DDX60: variants seen among roughly 807,000 people sequenced by gnomAD.
The protein encoded by DDX60 is probable ATP-dependent RNA helicase DDX60.
A neutral mutation model predicts 212.8 loss-of-function variants in DDX60; 165 were observed. The observed-to-expected ratio is 0.78, with a 90% confidence interval of 0.68 to 0.88. The LOEUF (loss-of-function observed/expected upper bound fraction) is 0.88, where lower values mean the gene tolerates loss of function less well. Among genes scored for constraint, DDX60 ranks in the 40% least tolerant of loss-of-function variants. The pLI, the probability that DDX60 is intolerant of heterozygous loss-of-function variation, is 0.00. For synonymous variants in DDX60, 703 were observed against 685.3 expected, an observed-to-expected ratio of 1.03 and a Z score of -0.40; for missense variants, 1,905 against 2,003.9, an observed-to-expected ratio of 0.95 and a Z score of 0.94.
chr4:168,310,139 T>C (rs1291331900), intron 3 of DDX60, among the ~76,000 whole-genome samples: 1 of 152,210 alleles, frequency 6.6e-6, no homozygotes, highest in African/African-American at 2.4e-5. Context: ...ACTTTTGATA[T>C]TGGACAATGT....
chr4:168,255,805 C>G lies in DDX60; in HGVS notation c.3463G>C (p.Glu1155Gln). The part of the protein sequence containing the change: ...SVSTFLKKKQ[E>Q]TKRPPKADKE... ...TCAGCTTTGGGAGGCCTTTTTGTCT[C>G]CTGCTTTTTCTTTAGGAAAGTGCTC... The change falls in exon 26 of 38, where the codon GAG (glutamate) becomes CAG (glutamine). Residue 1155 changes from glutamate (E) to glutamine (Q), a missense_variant. Physicochemically the swap from Glu to Gln is conservative, Grantham distance 29 (BLOSUM62 2). Coordinates refer to ENST00000393743, the MANE Select transcript of DDX60 (RefSeq NM_017631.6). 1 of 1,608,138 alleles carries G rather than the reference C, an allele frequency of 6.2e-7. No homozygotes were observed. The highest frequency in any genetic ancestry group is 8.5e-7 in the Non-Finnish European group (1 of 1,178,468).
rs1734986848 is a variant in DDX60, at chr4:168,269,329, T to G, written c.2671-360A>C. Among the ~76,000 whole-genome samples the G allele has an allele frequency of 2.6e-5, 4 of 152,190 alleles. No individual in the cohort carries two copies. The South Asian group carries it at 8.3e-4, about 32-fold the overall frequency. ...AAATAAAAATGTTGGCCGGGCACGG[T>G]GGCTCACGCCTGTAATCCCAGCACT... On this transcript the variant is annotated intron_variant, in intron 19 of 37. Coordinates refer to ENST00000393743, the MANE Select transcript of DDX60 (RefSeq NM_017631.6).
chr4:168,273,248 G>T, intron 18 of DDX60, 31 bp downstream of exon 18: 1 of 1,600,044 alleles, frequency 6.2e-7, no homozygotes, highest in South Asian at 1.1e-5. Context: ...TATATAATTT[G>T]ATAACACACT....
intron 25 of DDX60, among the ~76,000 whole-genome samples, chr4:168,256,102 C>G (rs1315257889): frequency 2.0e-5 from 3 of 146,678 alleles, no homozygotes; most frequent in Non-Finnish European, 3.0e-5. Flanking sequence ...CACTCCCCCC[C>G]ACCCCACCCC....
At chr4:168,286,416 A>ACACACACACACACACACACACC (rs774764702) in intron 10 of DDX60, among the ~76,000 whole-genome samples, 3 of 115,824 alleles carry the variant, frequency 2.6e-5, no homozygotes, top group African/African-American at 1.2e-4. Flanking sequence ...ACACACACAC[A>ACACACACACACACACACACACC]CCACACGAGA....
Position 168,270,962 on chromosome 4 carries a change from C to T in DDX60, c.2670+1081G>A, listed in dbSNP as rs1017241702. Reference sequence around the variant, plus strand: ...GTACGATCTTGGCTCACTGCAACCTCCACCTCCTGGGTTCAAGTGGTTCTC... The same window carrying T: ...GTACGATCTTGGCTCACTGCAACCTTCACCTCCTGGGTTCAAGTGGTTCTC... On this transcript the variant is annotated intron_variant, in intron 19 of 37. Coordinates refer to ENST00000393743, the MANE Select transcript of DDX60 (RefSeq NM_017631.6). Among the ~76,000 whole-genome samples the T allele has an allele frequency of 6.8e-5, 10 of 148,048 alleles. No homozygotes were observed. In the East Asian group the frequency reaches 1.8e-3, roughly 27 times the overall value.
At chr4:168,318,414 C>T (rs981137644) in intron 1 of DDX60, among the ~76,000 whole-genome samples, 4 of 152,264 alleles carry the variant, frequency 2.6e-5, no homozygotes, top group Admixed American at 6.5e-5. Context: ...TTGTCCCTTT[C>T]CTCCGCCCCT....
intron 22 of DDX60, 57 bp from the exon 23 acceptor site, chr4:168,262,844 T>G: frequency 8.2e-7 from 1 of 1,217,168 alleles, no homozygotes; most frequent in Non-Finnish European, 1.1e-6. Context: ...TCGTATCCTT[T>G]GCCTCTTAGT....
At chr4:168,226,753 C>T (rs1733269043) in intron 33 of DDX60, among the ~76,000 whole-genome samples, 1 of 152,014 alleles carries the variant, frequency 6.6e-6, no homozygotes, top group Admixed American at 6.6e-5. Context: ...AATTGGAGGT[C>T]ATTATGTTAA....
In DDX60 at chr4:168,306,723, G is replaced by GTA; in HGVS notation, c.265-4_265-3insTA. 1.3e-6 allele frequency: 2 copies of GTA among 1,598,916 alleles called. No homozygotes were observed. Among genetic ancestry groups the GTA allele is most frequent in the Non-Finnish European group, 1.7e-6 (2 of 1,168,860 alleles). On this transcript the variant is annotated splice_region_variant and splice_polypyrimidine_tract_variant and intron_variant, in intron 4 of 37. Transcript: ENST00000393743. ...TTGAAATACGCATACTCGGCATCCT[G>GTA]TGGAGGAGGAGGTGAAGTACATTTT...
At chr4:168,241,390 A>G (rs994816300) in intron 30 of DDX60, among the ~76,000 whole-genome samples, 25 of 152,194 alleles carry the variant, frequency 1.6e-4, no homozygotes, top group Non-Finnish European at 2.4e-4. Context: ...GCAGACAGGA[A>G]CATGTGGGAA....
intron 28 of DDX60, among the ~76,000 whole-genome samples, chr4:168,250,012 C>T (rs1318308028): frequency 6.6e-6 from 1 of 152,002 alleles, no homozygotes; most frequent in Non-Finnish European, 1.5e-5. Flanking sequence ...TTGAATATTA[C>T]TAAAGATCCA....
chr4:168,303,858 T>C (rs1384996608), intron 5 of DDX60, among the ~76,000 whole-genome samples: 2 of 152,120 alleles, frequency 1.3e-5, no homozygotes, highest in African/African-American at 4.8e-5. Flanking sequence ...GGTGCATGCC[T>C]GTAGTCTCAG....
At chr4:168,248,691 C>T (rs562661004) in intron 28 of DDX60, among the ~76,000 whole-genome samples, 105 of 152,238 alleles carry the variant, frequency 6.9e-4, no homozygotes, top group East Asian at 1.2e-3. Context: ...TTATACCAGA[C>T]TCCAAGCAAG....
At chr4:168,269,065 C>T (rs1467153412) in intron 19 of DDX60, 96 bp from the exon 20 acceptor site, 9 of 608,028 alleles carry the variant, frequency 1.5e-5, no homozygotes, top group Non-Finnish European at 2.0e-5. Flanking sequence ...TCATGCATGC[C>T]TTCCCATCGC....
At chr4:168,282,509 T>C (rs531421) in intron 13 of DDX60, among the ~76,000 whole-genome samples, 5,133 of 152,290 alleles carry the variant, frequency 0.034, 172 homozygotes, top group African/African-American at 0.084. Context: ...TCACCACGTT[T>C]ATTTCAATTT....
intron 13 of DDX60, 130 bp downstream of exon 13, chr4:168,283,316 A>G (rs1735674589): frequency 1.3e-6 from 1 of 755,838 alleles, no homozygotes; most frequent in South Asian, 1.9e-5. Context: ...GTAATCATAT[A>G]CAAAAATATA....
chr4:168,306,465 G>C lies in DDX60; in HGVS notation c.520C>G (p.Leu174Val). 1 of 1,614,142 alleles carries C rather than the reference G, an allele frequency of 6.2e-7. No homozygotes were observed. Among genetic ancestry groups the C allele is most frequent in the East Asian group, 2.2e-5 (1 of 44,870 alleles). The change falls in exon 5 of 38, where the codon CTT (leucine) becomes GTT (valine). Residue 174 changes from leucine (L) to valine (V), a missense_variant. Coordinates refer to ENST00000393743, the MANE Select transcript of DDX60 (RefSeq NM_017631.6). ...HSWARKVNVV[L>V]SSGQESDVLC... is the part of the protein sequence containing the mutation. ...ACATCAGATTCTTGCCCTGAGGAAA[G>C]TACAACGTTGACCTTCCTTGCCCAA...
At chr4:168,297,374 GA>G (rs1491136761) in intron 6 of DDX60, among the ~76,000 whole-genome samples, 2 of 54,668 alleles carry the variant, frequency 3.7e-5, no homozygotes, top group Non-Finnish European at 6.8e-5. Context: ...AAGAAAGAAA[GA>G]AAGAAAGAGA....
Sources: gnomAD v4.1 joint callset for allele counts (sites outside exome capture counted in the v4.1 genomes callset) on GRCh38, gnomAD v4.1.1 for gene constraint, MANE v1.5 for transcripts, NCBI Gene and HGNC (gene_info 2026-07-23, HGNC 2026-07-21) for gene names.